Variants in ZHX2 observed in about 807,000 individuals in gnomAD.
ZHX2 encodes zinc fingers and homeoboxes protein 2.
ZHX2 carries 6 observed loss-of-function variants against 21.9 expected under a neutral mutation model. The ratio of observed to expected loss-of-function variants is 0.27; its 90% confidence interval spans 0.15 to 0.54. The LOEUF (loss-of-function observed/expected upper bound fraction) is 0.54, where lower values mean the gene tolerates loss of function less well. Ranked by LOEUF, ZHX2 falls within the 20% of genes least tolerant of loss-of-function variation. The pLI, the probability that ZHX2 is intolerant of heterozygous loss-of-function variation, is 0.95. For missense variants in ZHX2, 908 were observed against 1,090.7 expected (o/e 0.83, Z 2.36); for synonymous variants, 434 against 437.1 (o/e 0.99, Z 0.09).
rs1172483461 is a variant in ZHX2 at position 122,843,198 on chromosome 8, CTG to C, written c.-282-20275_-282-20274del. Among the ~76,000 whole-genome samples, 3 of 152,202 alleles carry C rather than the reference CTG, an allele frequency of 2.0e-5. No homozygotes were observed. The East Asian group carries it at 5.8e-4, about 29-fold the overall frequency. ...ACTCAGATCTGTTACATGCCAGACT[CTG>C]TGTTAGATGTCCTAAATCAGTATTT... is the stretch of plus-strand genomic sequence containing the variant. On this transcript the variant is annotated intron_variant, in intron 1 of 3. Transcript: ENST00000314393.
chr8:122,857,336 T>C (rs1341501596), intron 1 of ZHX2, among the ~76,000 whole-genome samples: 11 of 149,602 alleles, frequency 7.4e-5, no homozygotes. Flanking sequence ...ATGCTGCCCT[T>C]GGCAAGTGAC....
chr8:122,828,609 C>T lies in ZHX2; in HGVS notation c.-282-34868C>T, dbSNP rs754915623. On this transcript the variant is annotated intron_variant, in intron 1 of 3. Coordinates refer to ENST00000314393, the MANE Select transcript of ZHX2 (RefSeq NM_014943.5). The surrounding 1 kb of genome is among the most constrained non-coding windows in gnomAD (Gnocchi z 5.2). ...CCTCATGCTCTGTGTAATAACTAGG[C>T]GGGGCCATGGGCTGTGGGGGATGTG... Among the ~76,000 whole-genome samples, 10 of 152,202 alleles carry T rather than the reference C, an allele frequency of 6.6e-5. No individual in the cohort carries two copies. Among genetic ancestry groups the T allele is most frequent in the Non-Finnish European group, 1.5e-4 (10 of 68,032 alleles).
Position 122,974,376 on chromosome 8 carries a change from C to G in ZHX2, c.*1139C>G, listed in dbSNP as rs909517644. On this transcript the variant is annotated 3_prime_UTR_variant, in exon 4 of 4. Coordinates refer to ENST00000314393, the MANE Select transcript of ZHX2 (RefSeq NM_014943.5). ...GCAGTATGAACTCTGGTTGCAATCC[C>G]TCCCCGTCCCACACTGCCCCCCATT... 20 of 152,430 alleles carry G rather than the reference C, an allele frequency of 1.3e-4. No individual in the cohort carries two copies. The highest frequency in any genetic ancestry group is 4.6e-4 in the African/African-American group (19 of 41,372). The allele number at this position is 152,430 out of a possible 1,614,324, so 9.4% of individuals were successfully genotyped here.
intron 2 of ZHX2, among the ~76,000 whole-genome samples, chr8:122,921,097 G>A (rs1199590219): frequency 6.6e-6 from 1 of 151,832 alleles, no homozygotes; most frequent in African/African-American, 2.4e-5. Flanking sequence ...GTTTTTTTGA[G>A]ATGGAGGAGT....
chr8:122,876,774 T>C (rs1819584120), intron 2 of ZHX2, among the ~76,000 whole-genome samples: 1 of 152,180 alleles, frequency 6.6e-6, no homozygotes, highest in Non-Finnish European at 1.5e-5. Context: ...AGTTGGATTG[T>C]AAGACTGAGT....
chr8:122,952,111 A>G lies in ZHX2; in HGVS notation c.601A>G (p.Lys201Glu). 4 of 1,613,664 alleles carry G rather than the reference A, an allele frequency of 2.5e-6. No individual in the cohort carries two copies. Among genetic ancestry groups the G allele is most frequent in the Admixed American group, 1.7e-5 (1 of 59,986 alleles). ...AAAAGCGGATGCCAAGAAGGTGCCCAAGAAGCCCGAGGAGATCACCCCCGA... is the reference window on the plus strand; with the variant it reads ...AAAAGCGGATGCCAAGAAGGTGCCCGAGAAGCCCGAGGAGATCACCCCCGA... ...KPKADAKKVPKKPEEITPENH... is the reference protein window; with the variant it reads ...KPKADAKKVPEKPEEITPENH... Residue 201 changes from lysine to glutamate, a missense_variant, in exon 3 of 4, where the codon AAG becomes GAG. By Grantham distance (56) the Lys-to-Glu change is moderately conservative. This residue lies in a region of ZHX2 where 220 missense variants were observed against 251.4 expected (regional missense o/e 0.88). Transcript: ENST00000314393. The surrounding 1 kb of genome is among the most constrained non-coding windows in gnomAD (Gnocchi z 6.9).
intron 1 of ZHX2, among the ~76,000 whole-genome samples, chr8:122,834,653 A>G (rs988833633): frequency 2.6e-5 from 4 of 152,236 alleles, no homozygotes; most frequent in African/African-American, 9.6e-5. Context: ...GCCGTCATCA[A>G]GCTTCTGAAG....
At chr8:122,883,622 G>GAA (rs200318396) in intron 2 of ZHX2, among the ~76,000 whole-genome samples, 5 of 144,116 alleles carry the variant, frequency 3.5e-5, no homozygotes, top group Non-Finnish European at 7.7e-5. Context: ...CTCAACACTG[G>GAA]AAAAAAAAAG....
rs547722839 is a variant in ZHX2, at chr8:122,973,650, C to T, written c.*413C>T. ...TAACCACCTTGCTTTTCTCTTTTCT[C>T]TTTTTCTTTTTTTTATTTTTGTTTT... On this transcript the variant is annotated 3_prime_UTR_variant, in exon 4 of 4. Coordinates refer to ENST00000314393, the MANE Select transcript of ZHX2 (RefSeq NM_014943.5). 2 of 152,610 alleles carry T rather than the reference C, an allele frequency of 1.3e-5. No individual in the cohort carries two copies. Among genetic ancestry groups the T allele is most frequent in the African/African-American group, 2.4e-5 (1 of 41,532 alleles). 9.5% of individuals were successfully genotyped at this position (152,610 alleles called of 1,614,324 possible).
intron 2 of ZHX2, among the ~76,000 whole-genome samples, chr8:122,922,645 G>C (rs1422160420): frequency 6.6e-6 from 1 of 152,166 alleles, no homozygotes; most frequent in Non-Finnish European, 1.5e-5. Flanking sequence ...TCCTGTGTCA[G>C]ATCACCCCAA....
chr8:122,915,150 T>A (rs990074218), intron 2 of ZHX2, among the ~76,000 whole-genome samples: 1 of 152,174 alleles, frequency 6.6e-6, no homozygotes, highest in African/African-American at 2.4e-5. Context: ...TTACAGGTAA[T>A]GCAGTGAAGA....
chr8:122,872,162 C>T (rs1819457895), intron 2 of ZHX2, among the ~76,000 whole-genome samples: 1 of 152,160 alleles, frequency 6.6e-6, no homozygotes, highest in Non-Finnish European at 1.5e-5. Context: ...ATGGAGGTGA[C>T]AGGTGAACCT....
At chr8:122,929,210 C>A (rs1324928398) in intron 2 of ZHX2, among the ~76,000 whole-genome samples, 2 of 152,274 alleles carry the variant, frequency 1.3e-5, no homozygotes, top group African/African-American at 2.4e-5. Context: ...CATTTCTTTC[C>A]CTGTTTGCCT....
intron 2 of ZHX2, among the ~76,000 whole-genome samples, chr8:122,886,590 C>T (rs1338711002): frequency 6.6e-6 from 1 of 152,106 alleles, no homozygotes; most frequent in African/African-American, 2.4e-5. Context: ...ATACGGAACC[C>T]CTCTGTACTT....
intron 2 of ZHX2, among the ~76,000 whole-genome samples, chr8:122,931,701 C>T (rs994710774): frequency 1.3e-5 from 2 of 152,186 alleles, no homozygotes; most frequent in Non-Finnish European, 2.9e-5. Context: ...AACTTCAAAA[C>T]CTACCAATAC....
intron 2 of ZHX2, among the ~76,000 whole-genome samples, chr8:122,882,314 CAGAGAG>C (rs140529887): frequency 3.4e-5 from 5 of 148,268 alleles, no homozygotes; most frequent in Non-Finnish European, 6.0e-5. Context: ...CACACACACA[CAGAGAG>C]AGAGAGAGAG....
chr8:122,847,674 ACTGTCCC>A (rs766340182), intron 1 of ZHX2, among the ~76,000 whole-genome samples: 2 of 152,214 alleles, frequency 1.3e-5, no homozygotes, highest in Non-Finnish European at 2.9e-5. Flanking sequence ...GCTCATGATG[ACTGTCCC>A]CTTGGGGAAC....
chr8:122,800,031 A>G (rs1817687095), intron 1 of ZHX2, among the ~76,000 whole-genome samples: 1 of 151,760 alleles, frequency 6.6e-6, no homozygotes, highest in Non-Finnish European at 1.5e-5. Flanking sequence ...CTGATTTTGT[A>G]TTTTTAGTAG....
chr8:122,808,865 G>C (rs748392318), intron 1 of ZHX2: 2 of 152,224 alleles, frequency 1.3e-5, no homozygotes, highest in African/African-American at 2.4e-5. Context: ...CAAAGCGCTA[G>C]CTAGACAATT....
Sources: allele counts gnomAD v4.1 joint callset (sites outside exome capture counted in the v4.1 genomes callset), GRCh38; gene constraint gnomAD v4.1.1; regional missense constraint gnomAD v4.1.1; non-coding constraint Gnocchi (gnomAD v3.1); transcripts MANE v1.5; gene names NCBI Gene and HGNC (gene_info 2026-07-23, HGNC 2026-07-21).